Variants in PHACTR2 observed in about 807,000 individuals in gnomAD.
PHACTR2 encodes the protein chromosome 6 open reading frame 56.
A neutral mutation model predicts 76.0 loss-of-function variants in PHACTR2; 30 were observed. That is an observed-to-expected ratio of 0.39 (90% CI 0.30 to 0.54). PHACTR2 has a LOEUF of 0.54. PHACTR2 is among the 20% of genes least tolerant of loss of function. The probability of loss-of-function intolerance (pLI) is 0.61; values close to 1 mark genes in which losing one functional copy is unlikely to be tolerated. For synonymous variants in PHACTR2, 292 were observed against 292.5 expected (o/e 1.00, Z 0.02); for missense variants, 696 against 781.1 (o/e 0.89, Z 1.30).
intron 1 of PHACTR2, among the ~76,000 whole-genome samples, chr6:143,564,812 C>G (rs1048606179): frequency 1.3e-5 from 2 of 152,196 alleles, no homozygotes; most frequent in Non-Finnish European, 2.9e-5. Flanking sequence ...AAAATAACAA[C>G]TGCAACCTCA....
At chr6:143,566,831 CA>C (rs528672385) in intron 1 of PHACTR2, among the ~76,000 whole-genome samples, 1,597 of 137,912 alleles carry the variant, frequency 0.012, 22 homozygotes, top group African/African-American at 0.039. Context: ...AAGGACTTTT[CA>C]AAAAAAAAAA....
In PHACTR2 at chr6:143,755,111, C is replaced by T. The variant is rs1231014940; in HGVS notation, c.454+1199C>T. ...TTTTGCTTTATTTCAAGGGCTTTAT[C>T]TAGCCTTGTTCCATTGAAGGACTCT... On this transcript the variant is annotated intron_variant, in intron 4 of 12. Transcript: ENST00000440869. This position sits in a 1 kb window ranked among gnomAD's most constrained non-coding sequence, Gnocchi z 5.2. 1.3e-5 allele frequency among the ~76,000 whole-genome samples: 2 copies of T among 152,192 alleles called. No individual in the cohort carries two copies. Among genetic ancestry groups the T allele is most frequent in the Non-Finnish European group, 2.9e-5 (2 of 68,036 alleles).
intron 2 of PHACTR2, among the ~76,000 whole-genome samples, chr6:143,717,430 T>C (rs1287982085): frequency 6.6e-6 from 1 of 152,208 alleles, no homozygotes; most frequent in African/African-American, 2.4e-5. Flanking sequence ...GCAGAGACTA[T>C]CACATTCACT....
chr6:143,775,329 G>A lies in PHACTR2; in HGVS notation c.1589+1114G>A, dbSNP rs1266267796. Among the ~76,000 whole-genome samples, 1 of 152,204 alleles carries A rather than the reference G, an allele frequency of 6.6e-6. No individual in the cohort carries two copies. The highest frequency in any genetic ancestry group is 1.5e-5 in the Non-Finnish European group (1 of 68,036). On this transcript the variant is annotated intron_variant, in intron 8 of 12. Transcript: ENST00000440869. This position sits in a 1 kb window ranked among gnomAD's most constrained non-coding sequence, Gnocchi z 4.4. ...GGAAGAAATTTGGGAATGTTTACCA[G>A]TGGTCTCTCTCGCTCTCGTCTTCTT...
intron 1 of PHACTR2, among the ~76,000 whole-genome samples, chr6:143,559,690 C>CTTTTTTTTTTTTTT (rs5880566): frequency 1.9e-4 from 6 of 31,904 alleles, no homozygotes; most frequent in Admixed American, 6.1e-4. Flanking sequence ...TTTTTCTTTT[C>CTTTTTTTTTTTTTT]TTTTTTTTTT....
Position 143,733,894 on chromosome 6 carries a change from G to A in PHACTR2, c.215-15091G>A, listed in dbSNP as rs1380117726. Among the ~76,000 whole-genome samples, 2 of 152,152 alleles carry A rather than the reference G, an allele frequency of 1.3e-5. No homozygotes were observed. Among genetic ancestry groups the A allele is most frequent in the South Asian group, 2.1e-4 (1 of 4,832 alleles). On this transcript the variant is annotated intron_variant, in intron 2 of 12. Coordinates refer to ENST00000440869, the MANE Select transcript of PHACTR2 (RefSeq NM_001100164.2). This position sits in a 1 kb window ranked among gnomAD's most constrained non-coding sequence, Gnocchi z 4.0. ...ATTATATAATAATTTTATTACGTATGCTTTTAAAAAATATCGTCTATTATT... is the reference window on the plus strand; with the variant it reads ...ATTATATAATAATTTTATTACGTATACTTTTAAAAAATATCGTCTATTATT...
At chr6:143,584,851 T>C (rs1240535707) in intron 1 of PHACTR2, among the ~76,000 whole-genome samples, 1 of 151,636 alleles carries the variant, frequency 6.6e-6, no homozygotes, top group Admixed American at 6.6e-5. Context: ...GGGCAGGTAA[T>C]AAAGATTAGG....
In PHACTR2 at chr6:143,697,716, T is replaced by A. The variant is rs1479679085; in HGVS notation, c.47-14300T>A. Among the ~76,000 whole-genome samples the A allele has an allele frequency of 6.6e-6, 1 of 152,262 alleles. No homozygotes were observed. Among genetic ancestry groups the A allele is most frequent in the Non-Finnish European group, 1.5e-5 (1 of 68,038 alleles). On this transcript the variant is annotated intron_variant, in intron 1 of 12. Coordinates refer to ENST00000440869, the MANE Select transcript of PHACTR2 (RefSeq NM_001100164.2). This position sits in a 1 kb window ranked among gnomAD's most constrained non-coding sequence, Gnocchi z 4.4. ...GCACTGTTGGAAACAATTTCCTCTG[T>A]GAAAAATCTAAAGACCTGCTAAAAT...
chr6:143,774,317 T>G lies in PHACTR2; in HGVS notation c.1589+102T>G. Reference sequence around the variant, plus strand: ...TCATTGTGAATTCCTTATGTACAGATACATCTGGCCTACTGGGTCTTTTAA... The same window carrying G: ...TCATTGTGAATTCCTTATGTACAGAGACATCTGGCCTACTGGGTCTTTTAA... On this transcript the variant is annotated intron_variant, in intron 8 of 12. Transcript: ENST00000440869. The surrounding 1 kb of genome is among the most constrained non-coding windows in gnomAD (Gnocchi z 5.4). 1 of 864,272 alleles carries G rather than the reference T, an allele frequency of 1.2e-6. No homozygotes were observed. The highest frequency in any genetic ancestry group is 1.8e-5 in the South Asian group (1 of 54,350). 53.5% of individuals were successfully genotyped at this position (864,272 alleles called of 1,614,324 possible). A position where few individuals can be genotyped will look rare whatever the true frequency, so the allele number is the denominator to read the frequency against.
chr6:143,702,386 C>T (rs761939631), intron 1 of PHACTR2, among the ~76,000 whole-genome samples: 1 of 152,110 alleles, frequency 6.6e-6, no homozygotes, highest in Non-Finnish European at 1.5e-5. Context: ...GGATTACAGG[C>T]GTGAGCCACG....
At chr6:143,763,800 A>G (rs746993514) in intron 5 of PHACTR2, among the ~76,000 whole-genome samples, 1 of 152,210 alleles carries the variant, frequency 6.6e-6, no homozygotes, top group Non-Finnish European at 1.5e-5. Context: ...TAAAGTCATA[A>G]CTGGAGGTAA....
chr6:143,719,082 C>A (rs1778376487), intron 2 of PHACTR2, among the ~76,000 whole-genome samples: 2 of 151,628 alleles, frequency 1.3e-5, no homozygotes, highest in African/African-American at 4.8e-5. Flanking sequence ...AGGGTTTCAC[C>A]ATGTTAGCCA....
intron 1 of PHACTR2, among the ~76,000 whole-genome samples, chr6:143,582,173 G>A (rs908021505): frequency 6.6e-6 from 1 of 152,118 alleles, no homozygotes; most frequent in African/African-American, 2.4e-5. Flanking sequence ...GTTCTAGTTG[G>A]AGAACTGTGG....
At chr6:143,576,072 G>A (rs543965142) in intron 1 of PHACTR2, among the ~76,000 whole-genome samples, 2 of 152,340 alleles carry the variant, frequency 1.3e-5, no homozygotes, top group South Asian at 2.1e-4. Flanking sequence ...AACTAACATA[G>A]ATGTTATAAT....
At chr6:143,655,166 AAAAAAAAAGAAAAAG>A in intron 1 of PHACTR2, among the ~76,000 whole-genome samples, 1 of 151,638 alleles carries the variant, frequency 6.6e-6, no homozygotes, top group Admixed American at 6.6e-5. Flanking sequence ...TCAAAAAAAA[AAAAAAAAAGAAAAAG>A]AAAAAAAAGA....
chr6:143,612,397 A>G (rs1236180630), intron 1 of PHACTR2, among the ~76,000 whole-genome samples: 1 of 152,236 alleles, frequency 6.6e-6, no homozygotes, highest in Non-Finnish European at 1.5e-5. Flanking sequence ...ATGGTGACTC[A>G]GGAGAAGGGT....
rs1372193679 is a variant in PHACTR2, at chr6:143,580,354, G to A, written c.217+43147G>A. On this transcript the variant is annotated intron_variant, in intron 1 of 11. Coordinates refer to the PHACTR2 transcript ENST00000367584. This position sits in a 1 kb window ranked among gnomAD's most constrained non-coding sequence, Gnocchi z 4.2. ...CAAAAAATTAGCCCGGCTTGGTGGC[G>A]GGCGCCTGTAGTCCCAGCTACTCTG... Among the ~76,000 whole-genome samples the A allele has an allele frequency of 6.6e-6, 1 of 152,226 alleles. No individual in the cohort carries two copies. Among genetic ancestry groups the A allele is most frequent in the Admixed American group, 6.5e-5 (1 of 15,296 alleles).
In PHACTR2 at chr6:143,578,315, A is replaced by G. The variant is rs1582681964; in HGVS notation, c.217+41108A>G. On this transcript the variant is annotated intron_variant, in intron 1 of 11. Transcript: ENST00000367584. The surrounding 1 kb of genome is among the most constrained non-coding windows in gnomAD (Gnocchi z 4.5). ...CCTCCATGTTTCCCCTTCTAGGATG[A>G]TCTAGTTTGATTCAACTCTTCTTGG... is the stretch of plus-strand genomic sequence containing the variant. Among the ~76,000 whole-genome samples, 2 of 152,140 alleles carry G rather than the reference A, an allele frequency of 1.3e-5. No homozygotes were observed. Among genetic ancestry groups the G allele is most frequent in the African/African-American group, 4.8e-5 (2 of 41,432 alleles).
At chr6:143,676,867 A>G (rs1163440368), upstream of PHACTR2, among the ~76,000 whole-genome samples, 1 of 152,148 alleles carries the variant, frequency 6.6e-6, no homozygotes, top group South Asian at 2.1e-4. The surrounding 1 kb of genome is among the most constrained non-coding windows in gnomAD (Gnocchi z 4.8). Flanking sequence ...GTGTGAAAAA[A>G]CATAGGGCAA....
Sources: gnomAD v4.1 joint callset for allele counts (sites outside exome capture counted in the v4.1 genomes callset) on GRCh38, gnomAD v4.1.1 for gene constraint, Gnocchi (gnomAD v3.1) non-coding constraint, MANE v1.5 for transcripts, NCBI Gene and HGNC (gene_info 2026-07-23, HGNC 2026-07-21) for gene names.